CAPN5: variants seen among roughly 807,000 people sequenced by gnomAD.
CAPN5 encodes the protein calpain 5, also known as calpain-5.
A neutral mutation model predicts 73.0 loss-of-function variants in CAPN5; 54 were observed. That is an observed-to-expected ratio of 0.74 (90% CI 0.59 to 0.93). The LOEUF (loss-of-function observed/expected upper bound fraction) is 0.93, where lower values mean the gene tolerates loss of function less well. Ranked by LOEUF, CAPN5 falls within the 40% of genes least tolerant of loss-of-function variation. The pLI, the probability that CAPN5 is intolerant of heterozygous loss-of-function variation, is 0.00. For missense variants in CAPN5, 785 were observed against 882.9 expected (o/e 0.89, Z 1.41); for synonymous variants, 335 against 356.9 (o/e 0.94, Z 0.69).
At chr11:77,092,027 C>T (rs1046836607) in intron 2 of CAPN5, among the ~76,000 whole-genome samples, 15 of 152,272 alleles carry the variant, frequency 9.9e-5, no homozygotes, top group Middle Eastern at 6.8e-3. Flanking sequence ...TGAGACCAGC[C>T]TGGGCAACAT....
At chr11:77,071,979 C>T (rs558809318) in intron 1 of CAPN5, among the ~76,000 whole-genome samples, 6 of 152,326 alleles carry the variant, frequency 3.9e-5, no homozygotes, top group South Asian at 2.1e-4. Flanking sequence ...GCCAAGGCCA[C>T]GCCATACTGG....
At chr11:77,113,183 G>C (rs1555041056) in intron 4 of CAPN5, among the ~76,000 whole-genome samples, 1 of 152,228 alleles carries the variant, frequency 6.6e-6, no homozygotes, top group Non-Finnish European at 1.5e-5. Context: ...TGGTTGTGCA[G>C]GGTGGGCCAC....
At chr11:77,108,656 A>G (rs1486059839) in intron 3 of CAPN5, among the ~76,000 whole-genome samples, 2 of 151,884 alleles carry the variant, frequency 1.3e-5, no homozygotes, top group African/African-American at 4.8e-5. Context: ...TATTTCCTCT[A>G]CACACCCCTG....
intron 2 of CAPN5, among the ~76,000 whole-genome samples, chr11:77,089,209 CT>C (rs1169190192): frequency 6.6e-6 from 1 of 152,208 alleles, no homozygotes; most frequent in Admixed American, 6.5e-5. Context: ...TAAAGGGCCC[CT>C]GGCACCCGAG....
rs1420628641 is a variant in CAPN5, at chr11:77,124,138, C to T, written c.*268C>T. 1 of 466,754 alleles carries T rather than the reference C, an allele frequency of 2.1e-6. No homozygotes were observed. Among genetic ancestry groups the T allele is most frequent in the Non-Finnish European group, 3.8e-6 (1 of 261,940 alleles). 28.9% of individuals were successfully genotyped at this position (466,754 alleles called of 1,614,324 possible). ...GTCACCACTGCTAAGGGACTCTATCCATTGAGCACATTTTCCTAAGGCCCT... is the reference window on the plus strand; with the variant it reads ...GTCACCACTGCTAAGGGACTCTATCTATTGAGCACATTTTCCTAAGGCCCT... On this transcript the variant is annotated 3_prime_UTR_variant, in exon 13 of 13. Coordinates refer to ENST00000648180, the MANE Select transcript of CAPN5 (RefSeq NM_004055.5).
intron 3 of CAPN5, chr11:77,103,055 G>A: frequency 1.2e-6 from 2 of 1,613,716 alleles, no homozygotes; most frequent in Non-Finnish European, 1.7e-6. Flanking sequence ...ATGTCGTGCT[G>A]GACAAGCCGG....
chr11:77,122,163 C>A, intron 11 of CAPN5, 114 bp downstream of exon 11: 1 of 615,548 alleles, frequency 1.6e-6, no homozygotes, highest in Non-Finnish European at 2.8e-6. Flanking sequence ...CACTGCAGGC[C>A]TGGCCATTTC....
chr11:77,074,791 C>T (rs911103211), intron 1 of CAPN5, among the ~76,000 whole-genome samples: 9 of 152,168 alleles, frequency 5.9e-5, no homozygotes, highest in African/African-American at 1.9e-4. Flanking sequence ...CTGTGCTTTG[C>T]GCTGGGCACC....
intron 1 of CAPN5, among the ~76,000 whole-genome samples, chr11:77,084,488 C>T (rs1950060682): frequency 6.6e-6 from 1 of 152,182 alleles, no homozygotes; most frequent in Non-Finnish European, 1.5e-5. Flanking sequence ...CTGTGGGAGA[C>T]ACACCAGCCA....
intron 1 of CAPN5, among the ~76,000 whole-genome samples, chr11:77,071,314 G>T (rs1317237416): frequency 6.6e-6 from 1 of 152,252 alleles, no homozygotes; most frequent in African/African-American, 2.4e-5. Flanking sequence ...ATGTTTGGAA[G>T]AAGGGCATCC....
At chr11:77,089,541 GGGCCTGGGCTT>G (rs1240753113) in intron 2 of CAPN5, among the ~76,000 whole-genome samples, 1 of 152,184 alleles carries the variant, frequency 6.6e-6, no homozygotes, top group Admixed American at 6.5e-5. Context: ...GCAGAGGTGA[GGGCCTGGGCTT>G]CCCCAAACCC....
rs782339880 is a variant in CAPN5 at position 77,120,813 on chromosome 11, C to G, written c.1391C>G (p.Pro464Arg). 1.2e-6 allele frequency: 2 copies of G among 1,614,204 alleles called. No individual in the cohort carries two copies. The highest frequency in any genetic ancestry group is 2.2e-5 in the East Asian group (1 of 44,888). Residue 464 changes from proline to arginine, a missense_variant, in exon 10 of 13, where the codon CCC becomes CGC. Coordinates refer to ENST00000648180, the MANE Select transcript of CAPN5 (RefSeq NM_004055.5). The stretch of plus-strand genomic sequence containing the variant: ...AGCGTCTTCCTGCGCACCGACCAGC[C>G]CGAGGGCCGCTATGTCATCATCCCC... Reference protein sequence around the residue: ...SRSVFLRTDQPEGRYVIIPTT... With the variant: ...SRSVFLRTDQREGRYVIIPTT...
chr11:77,104,601 G>T (rs1182496928), intron 3 of CAPN5, among the ~76,000 whole-genome samples: 1 of 152,218 alleles, frequency 6.6e-6, no homozygotes, highest in African/African-American at 2.4e-5. Flanking sequence ...ATTCCCCTTC[G>T]CATTGCGCAG....
chr11:77,119,345 C>G (rs533469923), intron 9 of CAPN5, 193 bp downstream of exon 9: 132 of 633,798 alleles, frequency 2.1e-4, no homozygotes, highest in Non-Finnish European at 2.8e-4. Flanking sequence ...CCTGCCCAGC[C>G]TTGGCTTCTG....
rs782497150 is a variant in CAPN5 at position 77,122,551 on chromosome 11, C to G, written c.1604-25C>G. ...CCACAGCCCCCACCCCCACCCTCAC[C>G]CCATCTCCCACTCCCTCTCCCTAGG... On this transcript the variant is annotated intron_variant, in intron 11 of 12. Coordinates refer to ENST00000648180, the MANE Select transcript of CAPN5 (RefSeq NM_004055.5). The G allele has an allele frequency of 2.0e-6, 3 of 1,527,414 alleles. No homozygotes were observed. In the African/African-American group the frequency reaches 4.1e-5, roughly 21 times the overall value. 94.6% of individuals were successfully genotyped at this position (1,527,414 alleles called of 1,614,324 possible).
chr11:77,103,437 G>C, intron 3 of CAPN5: 1 of 1,396,222 alleles, frequency 7.2e-7, no homozygotes, highest in Non-Finnish European at 9.7e-7. Context: ...TGCTCAGCCT[G>C]TCCTCTGCTT....
At chr11:77,093,581 C>A in intron 2 of CAPN5, 101 bp from the exon 3 acceptor site, 1 of 1,434,692 alleles carries the variant, frequency 7.0e-7, no homozygotes, top group Non-Finnish European at 9.3e-7. Context: ...GATCACACAG[C>A]AAGTCTGTGT....
intron 1 of CAPN5, among the ~76,000 whole-genome samples, chr11:77,073,493 CTCAG>C (rs1431262622): frequency 1.3e-5 from 2 of 152,182 alleles, no homozygotes; most frequent in African/African-American, 4.8e-5. Context: ...AGGCCTCTGA[CTCAG>C]TCAGAGACAC....
intron 6 of CAPN5, among the ~76,000 whole-genome samples, chr11:77,115,791 A>G (rs1950461422): frequency 6.6e-6 from 1 of 152,056 alleles, no homozygotes; most frequent in Non-Finnish European, 1.5e-5. Flanking sequence ...GCTGGAGGCC[A>G]TCAGGGGTGT....
Sources: allele counts gnomAD v4.1 joint callset (sites outside exome capture counted in the v4.1 genomes callset), GRCh38; gene constraint gnomAD v4.1.1; transcripts MANE v1.5; gene names NCBI Gene and HGNC (gene_info 2026-07-23, HGNC 2026-07-21).